The following SLC44A5 variants were observed in gnomAD, a reference collection of about 807,000 sequenced individuals.
The protein encoded by SLC44A5 is solute carrier family 44 member 5, also known as choline transporter-like protein 5.
SLC44A5 carries 57 observed loss-of-function variants against 101.8 expected under a neutral mutation model. That is an observed-to-expected ratio of 0.56 (90% confidence interval 0.45 to 0.70). The LOEUF (loss-of-function observed/expected upper bound fraction) is 0.70. Among genes scored for constraint, SLC44A5 ranks in the 30% least tolerant of loss-of-function variants. SLC44A5 has a pLI of 0.00. For synonymous variants in SLC44A5, 281 were observed against 290.9 expected (o/e 0.97, Z 0.35); for missense variants, 737 against 853.1 (o/e 0.86, Z 1.70).
At chr1:75,350,521 A>G (rs1255457656) in intron 3 of SLC44A5, among the ~76,000 whole-genome samples, 1 of 150,828 alleles carries the variant, frequency 6.6e-6, no homozygotes, top group Non-Finnish European at 1.5e-5. Flanking sequence ...ATATGCCTGT[A>G]AAAGATAAAA....
chr1:75,322,155 T>C (rs1656204555), intron 4 of SLC44A5, among the ~76,000 whole-genome samples: 2 of 151,898 alleles, frequency 1.3e-5, no homozygotes, highest in Admixed American at 6.6e-5. Context: ...TACAAAAAAA[T>C]ATAAAAATTA....
chr1:75,509,962 C>T (rs1669475647), intron 2 of SLC44A5, among the ~76,000 whole-genome samples: 2 of 152,102 alleles, frequency 1.3e-5, no homozygotes, highest in South Asian at 2.1e-4. Context: ...GGAGGTCTCA[C>T]AATCATGATG....
At chr1:75,333,072 T>A (rs776108985) in intron 4 of SLC44A5, among the ~76,000 whole-genome samples, 5 of 151,248 alleles carry the variant, frequency 3.3e-5, no homozygotes, top group Admixed American at 6.6e-5. Context: ...ACACAAAATT[T>A]AAAAAAAAAG....
At chr1:75,389,246 T>C (rs1237937819) in intron 3 of SLC44A5, among the ~76,000 whole-genome samples, 1 of 152,158 alleles carries the variant, frequency 6.6e-6, no homozygotes, top group East Asian at 1.9e-4. Flanking sequence ...CTCAATACCC[T>C]AACTAAGAGT....
At chr1:75,392,231 C>G (rs1183008407) in intron 3 of SLC44A5, among the ~76,000 whole-genome samples, 3 of 150,214 alleles carry the variant, frequency 2.0e-5, no homozygotes, top group Non-Finnish European at 4.4e-5. Flanking sequence ...GGTAAAGAGA[C>G]AACTGACATA....
chr1:75,300,647 A>T lies in SLC44A5; in HGVS notation c.140T>A (p.Leu47Gln). ...TDVLCCMIFLLCIIGYIVLGL... is the reference protein window; with the variant it reads ...TDVLCCMIFLQCIIGYIVLGL... ...TAAAACAATGTAGCCAATAATACAC[A>T]GTAGGAAGATCATACAGCACAGAAC... Residue 47 changes from leucine (L) to glutamine (Q), a missense_variant, in exon 5 of 24, where the codon CTG becomes CAG. Leu to Gln is a moderately radical substitution (Grantham distance 113). This residue lies in a region of SLC44A5 where 665 missense variants were observed against 764.4 expected (regional missense o/e 0.87). Transcript: ENST00000370859. The T allele has an allele frequency of 6.2e-7, 1 of 1,607,202 alleles. No homozygotes were observed. Among genetic ancestry groups the T allele is most frequent in the Non-Finnish European group, 8.5e-7 (1 of 1,176,942 alleles).
intron 2 of SLC44A5, among the ~76,000 whole-genome samples, chr1:75,436,799 A>T (rs1664915807): frequency 3.9e-5 from 6 of 152,178 alleles, no homozygotes; most frequent in Admixed American, 1.3e-4. Context: ...GTTATAAAAA[A>T]AGTCTGTTTT....
At chr1:75,432,550 G>A (rs1054617767) in intron 2 of SLC44A5, among the ~76,000 whole-genome samples, 2 of 152,086 alleles carry the variant, frequency 1.3e-5, no homozygotes, top group African/African-American at 4.8e-5. Context: ...ACCAATTGAT[G>A]CCAATAGGAA....
chr1:75,307,990 G>A (rs1386574278), intron 4 of SLC44A5, among the ~76,000 whole-genome samples: 2 of 152,090 alleles, frequency 1.3e-5, no homozygotes, highest in East Asian at 3.9e-4. Context: ...TTTTTTAAGC[G>A]CCCTAAAAAA....
chr1:75,496,957 GTTA>G, intron 2 of SLC44A5, among the ~76,000 whole-genome samples: 1 of 152,012 alleles, frequency 6.6e-6, no homozygotes, highest in East Asian at 1.9e-4. Context: ...TATTAGAATG[GTTA>G]TTATCAAAAA....
intron 2 of SLC44A5, among the ~76,000 whole-genome samples, chr1:75,535,030 T>A (rs1326735494): frequency 3.9e-5 from 6 of 152,042 alleles, no homozygotes; most frequent in Non-Finnish European, 7.4e-5. Context: ...AATTCTATCT[T>A]GATTAACTCT....
intron 4 of SLC44A5, among the ~76,000 whole-genome samples, chr1:75,314,307 C>T (rs941914401): frequency 2.6e-5 from 4 of 152,100 alleles, no homozygotes; most frequent in African/African-American, 9.7e-5. Context: ...GGTCCCGGTA[C>T]GGTAACAGAA....
chr1:75,623,707 G>T, the SLC44A5 span, among the ~76,000 whole-genome samples: 1 of 151,852 alleles, frequency 6.6e-6, no homozygotes, highest in South Asian at 2.1e-4. Context: ...GCAGAGAAAT[G>T]GTATAATATA....
intron 3 of SLC44A5, among the ~76,000 whole-genome samples, chr1:75,370,405 G>C (rs1355582572): frequency 6.6e-6 from 1 of 152,064 alleles, no homozygotes; most frequent in Admixed American, 6.6e-5. Flanking sequence ...CTCAGCCTTG[G>C]GTAGCATAGT....
intron 7 of SLC44A5, among the ~76,000 whole-genome samples, chr1:75,250,897 T>C (rs1649513971): frequency 6.6e-6 from 1 of 152,156 alleles, no homozygotes; most frequent in Non-Finnish European, 1.5e-5. Flanking sequence ...CTAGCTTTAC[T>C]TTTCCTAATA....
chr1:75,580,362 G>C (rs143556911), intron 1 of SLC44A5, among the ~76,000 whole-genome samples: 1 of 152,192 alleles, frequency 6.6e-6, no homozygotes, highest in Non-Finnish European at 1.5e-5. Flanking sequence ...GCTCTAAAAT[G>C]TGTGGTTTGA....
chr1:75,236,035 G>C (rs929448090), intron 11 of SLC44A5, among the ~76,000 whole-genome samples: 2 of 152,028 alleles, frequency 1.3e-5, no homozygotes, highest in Non-Finnish European at 2.9e-5. Context: ...GATAATAAAG[G>C]TTATAAATGA....
chr1:75,526,738 C>G (rs1670428942), intron 2 of SLC44A5, among the ~76,000 whole-genome samples: 1 of 152,158 alleles, frequency 6.6e-6, no homozygotes, highest in African/African-American at 2.4e-5. Flanking sequence ...TTGGTGTTCC[C>G]TTAGGAAATT....
chr1:75,443,707 T>C (rs1432562200), intron 2 of SLC44A5, among the ~76,000 whole-genome samples: 2 of 151,002 alleles, frequency 1.3e-5, no homozygotes, highest in Non-Finnish European at 3.0e-5. Flanking sequence ...ATTCCCAAAC[T>C]CCCATTTTAT....
Sources: gnomAD v4.1 joint callset for allele counts (sites outside exome capture counted in the v4.1 genomes callset) on GRCh38, gnomAD v4.1.1 for gene constraint, gnomAD v4.1.1 regional missense constraint, MANE v1.5 for transcripts, NCBI Gene and HGNC (gene_info 2026-07-23, HGNC 2026-07-21) for gene names.